The following NID1 variants were observed in gnomAD, a reference collection of about 807,000 sequenced individuals.
NID1 encodes the protein nidogen-1.
A neutral mutation model predicts 130.6 loss-of-function variants in NID1; 76 were observed. That is an observed-to-expected ratio of 0.58 (90% CI 0.48 to 0.70). The LOEUF is 0.70. NID1 is among the 30% of genes least tolerant of loss of function. The pLI, the probability that NID1 is intolerant of heterozygous loss-of-function variation, is 0.00. For synonymous variants in NID1, 665 were observed against 675.1 expected, an observed-to-expected ratio of 0.98 and a Z score of 0.23; for missense variants, 1,517 against 1,664.8, an observed-to-expected ratio of 0.91 and a Z score of 1.54.
chr1:236,025,248 G>A (rs1331446097), intron 8 of NID1, among the ~76,000 whole-genome samples: 1 of 146,246 alleles, frequency 6.8e-6, no homozygotes, highest in Non-Finnish European at 1.5e-5. Context: ...CACCATGCTC[G>A]GCCCTACAAT....
At chr1:236,021,480 C>A (rs541223435) in intron 9 of NID1, among the ~76,000 whole-genome samples, 1 of 152,200 alleles carries the variant, frequency 6.6e-6, no homozygotes, top group Non-Finnish European at 1.5e-5. Flanking sequence ...CACTATGAAG[C>A]CAACACCGCG....
chr1:236,005,464 G>T (rs2102811522), intron 12 of NID1, among the ~76,000 whole-genome samples: 1 of 152,214 alleles, frequency 6.6e-6, no homozygotes, highest in Admixed American at 6.5e-5. Context: ...ATTGCAAAAT[G>T]ATTCATATGC....
chr1:236,045,525 G>A lies in NID1; in HGVS notation c.684C>T (p.Phe228=), dbSNP rs1190382364. 1.5e-5 allele frequency: 24 copies of A among 1,614,130 alleles called. No homozygotes were observed. The highest frequency in any genetic ancestry group is 2.0e-5 in the Non-Finnish European group (24 of 1,180,034). Residue 228 remains phenylalanine (F), a synonymous_variant, in exon 3 of 20, where the codon TTC becomes TTT. Transcript: ENST00000264187. ...VVAFSQGSVG[F]LWKSNGAYNI... is the part of the protein sequence containing the mutation. ...TATAAGCTCCGTTGCTCTTCCATAAGAATCCCACTGAACCTTGACTGAATG... is the reference window on the plus strand; with the variant it reads ...TATAAGCTCCGTTGCTCTTCCATAAAAATCCCACTGAACCTTGACTGAATG...
intron 1 of NID1, 143 bp from the exon 2 acceptor site, chr1:236,049,132 C>T (rs148598715): frequency 1.4e-5 from 12 of 837,732 alleles, no homozygotes; most frequent in East Asian, 5.3e-5. Flanking sequence ...GAGCCTGAAC[C>T]GCATACCCCA....
intron 9 of NID1, among the ~76,000 whole-genome samples, chr1:236,021,035 G>A (rs1192051882): frequency 6.6e-6 from 1 of 152,234 alleles, no homozygotes; most frequent in Non-Finnish European, 1.5e-5. Context: ...CAGTTCAACA[G>A]CAGCAGACTG....
At chr1:236,052,203 G>T (rs528881505) in intron 1 of NID1, among the ~76,000 whole-genome samples, 1 of 152,164 alleles carries the variant, frequency 6.6e-6, no homozygotes, top group African/African-American at 2.4e-5. Context: ...AAATATTCCC[G>T]TCCACTTGGG....
In NID1 at chr1:235,980,313, G is replaced by C. The variant is rs1330421669; in HGVS notation, c.3385+183C>G. Among the ~76,000 whole-genome samples, 7 of 152,264 alleles carry C rather than the reference G, an allele frequency of 4.6e-5. No individual in the cohort carries two copies. The South Asian group carries it at 1.4e-3, about 32-fold the overall frequency. On this transcript the variant is annotated intron_variant, in intron 17 of 19. Transcript: ENST00000264187. ...AGGCAAAACCAAGGACAGTATGCAGGTATCTATACAATTTTGTACCAGTAT... is the reference window on the plus strand; with the variant it reads ...AGGCAAAACCAAGGACAGTATGCAGCTATCTATACAATTTTGTACCAGTAT...
intron 12 of NID1, among the ~76,000 whole-genome samples, chr1:236,011,662 C>A (rs1287645475): frequency 1.3e-5 from 2 of 152,230 alleles, no homozygotes; most frequent in African/African-American, 2.4e-5. Flanking sequence ...CCTCAACAAC[C>A]CTTAGAACTC....
intron 12 of NID1, among the ~76,000 whole-genome samples, chr1:236,009,853 C>A (rs537513890): frequency 2.0e-5 from 3 of 152,216 alleles, no homozygotes; most frequent in African/African-American, 7.2e-5. Flanking sequence ...CAGTATATAA[C>A]CAAATGTTAA....
intron 14 of NID1, among the ~76,000 whole-genome samples, chr1:235,989,069 C>CTTTTT (rs768952072): frequency 5.2e-5 from 6 of 115,800 alleles, no homozygotes; most frequent in African/African-American, 1.5e-4. Flanking sequence ...AAATTATCTG[C>CTTTTT]TTTTTTTTTT....
chr1:236,011,860 T>C, intron 12 of NID1, 61 bp downstream of exon 12: 1 of 1,595,272 alleles, frequency 6.3e-7, no homozygotes. Context: ...CAATGGGCCA[T>C]GTGCTCTGCA....
intron 9 of NID1, among the ~76,000 whole-genome samples, chr1:236,020,036 T>TAAAAAAAAAAA (rs57925295): frequency 1.1e-5 from 1 of 88,364 alleles, no homozygotes; most frequent in African/African-American, 4.4e-5. Flanking sequence ...GACTCTGCCT[T>TAAAAAAAAAAA]AAAAAAAAAA....
Position 236,045,535 on chromosome 1 carries a change from G to A in NID1, c.674C>T (p.Ser225Leu), listed in dbSNP as rs773385305. 4.3e-6 allele frequency: 7 copies of A among 1,614,154 alleles called. No homozygotes were observed. Residue 225 changes from serine (S) to leucine (L), a missense_variant, in exon 3 of 20, where the codon TCA becomes TTA. By Grantham distance (145) the Ser-to-Leu change is moderately radical. This residue lies in a region of NID1 where 1,329 missense variants were observed against 1,429.2 expected (regional missense o/e 0.93). Transcript: ENST00000264187. ...GTTGCTCTTCCATAAGAATCCCACTGAACCTTGACTGAATGCAACCACGGC... is the reference window on the plus strand; with the variant it reads ...GTTGCTCTTCCATAAGAATCCCACTAAACCTTGACTGAATGCAACCACGGC... Reference protein sequence around the residue: ...VPAVVAFSQGSVGFLWKSNGA... With the variant: ...VPAVVAFSQGLVGFLWKSNGA...
chr1:235,997,645 T>A (rs1394031951), intron 12 of NID1, among the ~76,000 whole-genome samples: 2 of 150,512 alleles, frequency 1.3e-5, no homozygotes, highest in Non-Finnish European at 3.0e-5. Flanking sequence ...CACTCTGTCT[T>A]GCACAGGCTG....
chr1:236,029,424 TA>T, intron 7 of NID1, 125 bp downstream of exon 7: 1 of 877,566 alleles, frequency 1.1e-6, no homozygotes, highest in Non-Finnish European at 1.8e-6. Flanking sequence ...AAGGTGACTG[TA>T]AGGCCCGGTG....
Position 236,011,958 on chromosome 1 carries a change from A to G in NID1, c.2490T>C (p.Pro830=), listed in dbSNP as rs1230893150. 1.2e-6 allele frequency: 2 copies of G among 1,614,178 alleles called. No individual in the cohort carries two copies. Among genetic ancestry groups the G allele is most frequent in the Non-Finnish European group, 1.7e-6 (2 of 1,180,026 alleles). Reference sequence around the variant, plus strand: ...AACGGAAGCCGTCTCCCTGATAACCAGGTTTGCACTGGCACGTGAAAGAGC... The same window carrying G: ...AACGGAAGCCGTCTCCCTGATAACCGGGTTTGCACTGGCACGTGAAAGAGC... ...TPGSFTCQCK[P]GYQGDGFRCV... is the part of the protein sequence containing the mutation. The change falls in exon 12 of 20, where the codon CCT becomes CCC. Residue 830 remains proline, a synonymous_variant. Coordinates refer to ENST00000264187, the MANE Select transcript of NID1 (RefSeq NM_002508.3).
At chr1:236,003,551 C>T (rs1040561511) in intron 12 of NID1, among the ~76,000 whole-genome samples, 1 of 152,182 alleles carries the variant, frequency 6.6e-6, no homozygotes, top group Non-Finnish European at 1.5e-5. Flanking sequence ...GAGGGCGAGA[C>T]CAATTGTGCC....
At chr1:236,038,383 C>T in intron 4 of NID1, 130 bp from the exon 5 acceptor site, 1 of 922,896 alleles carries the variant, frequency 1.1e-6, no homozygotes, top group Non-Finnish European at 1.6e-6. Flanking sequence ...GGACCAGGCT[C>T]ACTACAGAAG....
In NID1 at chr1:235,979,111, C is replaced by T. The variant is rs11580785; in HGVS notation, c.3510-4G>A. 18,045 of 1,586,162 alleles carry T rather than the reference C, an allele frequency of 0.011. 158 individuals are homozygous for T. Among genetic ancestry groups the T allele is most frequent in the Non-Finnish European group, 0.013 (15,148 of 1,154,564 alleles). ...ATCGAGAGCAACCACGGAATTCCTACAAAGCACCAAAGGGCAGAAGGTGAA... is the reference window on the plus strand; with the variant it reads ...ATCGAGAGCAACCACGGAATTCCTATAAAGCACCAAAGGGCAGAAGGTGAA... On this transcript the variant is annotated splice_region_variant and splice_polypyrimidine_tract_variant and intron_variant, in intron 18 of 19. Coordinates refer to ENST00000264187, the MANE Select transcript of NID1 (RefSeq NM_002508.3). The surrounding 1 kb of genome is among the most constrained non-coding windows in gnomAD (Gnocchi z 4.6).
Sources: allele counts gnomAD v4.1 joint callset (sites outside exome capture counted in the v4.1 genomes callset), GRCh38; gene constraint gnomAD v4.1.1; regional missense constraint gnomAD v4.1.1; non-coding constraint Gnocchi (gnomAD v3.1); transcripts MANE v1.5; gene names NCBI Gene and HGNC (gene_info 2026-07-23, HGNC 2026-07-21).